Variants in STK33 observed in about 807,000 individuals in gnomAD.
The protein encoded by STK33 is serine/threonine kinase 33, also known as serine/threonine-protein kinase 33.
STK33 carries 52 observed loss-of-function variants against 58.0 expected under a neutral mutation model. That is an observed-to-expected ratio of 0.90 (90% CI 0.72 to 1.13). The LOEUF (loss-of-function observed/expected upper bound fraction) is 1.13, where lower values mean the gene tolerates loss of function less well. Among genes scored for constraint, STK33 ranks in the 50% most tolerant of loss-of-function variants. The pLI is 0.00. For missense variants in STK33, 630 were observed against 604.2 expected, an observed-to-expected ratio of 1.04 and a Z score of -0.45; for synonymous variants, 215 against 200.1, an observed-to-expected ratio of 1.07 and a Z score of -0.63.
chr11:8,473,440 C>T (rs1948979110), intron 5 of STK33, among the ~76,000 whole-genome samples, 164 bp from the exon 6 acceptor site: 1 of 152,150 alleles, frequency 6.6e-6, no homozygotes, highest in Non-Finnish European at 1.5e-5. Flanking sequence ...CTATGCAATT[C>T]ATTGGCTCAT....
intron 11 of STK33, among the ~76,000 whole-genome samples, chr11:8,445,774 C>T (rs1266645014): frequency 1.3e-5 from 2 of 152,060 alleles, no homozygotes; most frequent in Non-Finnish European, 2.9e-5. Flanking sequence ...CTGTTGGATT[C>T]AGTTTGCCAG....
chr11:8,553,877 C>T (rs369180346), intron 1 of STK33, among the ~76,000 whole-genome samples: 20 of 152,116 alleles, frequency 1.3e-4, no homozygotes, highest in East Asian at 7.7e-4. Flanking sequence ...AGGTTAAGCT[C>T]CATGACATTA....
the STK33 span, among the ~76,000 whole-genome samples, chr11:8,379,465 T>C: frequency 6.6e-6 from 1 of 151,836 alleles, no homozygotes; most frequent in Non-Finnish European, 1.5e-5. Flanking sequence ...ACAAATAATC[T>C]TATCAAAAAG....
intron 1 of STK33, among the ~76,000 whole-genome samples, chr11:8,493,331 A>C (rs1224344905): frequency 6.6e-6 from 1 of 152,216 alleles, no homozygotes; most frequent in Non-Finnish European, 1.5e-5. Context: ...CTATGCAAAT[A>C]AAATAGAAAA....
At position 8,412,567 on chromosome 11, in the gene STK33, C is replaced by T. The variant is rs147736715; in HGVS notation, c.1344+928G>A. The stretch of plus-strand genomic sequence containing the variant: ...GGGGTGTAGGCCAGCAATGCTGCAC[C>T]TCCCTGAATCTGGTCCAGGATTTAC... On this transcript the variant is annotated intron_variant, in intron 15 of 15. Transcript: ENST00000687296. Among the ~76,000 whole-genome samples, 433 of 152,252 alleles carry T rather than the reference C, an allele frequency of 2.8e-3. 2 individuals are homozygous for T. The highest frequency in any genetic ancestry group is 1.0e-2 in the African/African-American group (414 of 41,544).
intron 15 of STK33, among the ~76,000 whole-genome samples, chr11:8,395,922 A>C (rs1382644932): frequency 6.6e-6 from 1 of 152,222 alleles, no homozygotes; most frequent in African/African-American, 2.4e-5. Context: ...GTAGCATACA[A>C]GAGTGCCTGT....
chr11:8,400,304 G>C (rs1009806122), intron 15 of STK33, among the ~76,000 whole-genome samples: 26 of 152,186 alleles, frequency 1.7e-4, no homozygotes, highest in Non-Finnish European at 3.8e-4. Context: ...GGGATGCAAG[G>C]CTGGTTCAAC....
chr11:8,467,889 G>A (rs544891826), intron 6 of STK33, among the ~76,000 whole-genome samples: 15 of 151,922 alleles, frequency 9.9e-5, no homozygotes, highest in African/African-American at 2.2e-4. Flanking sequence ...AGGTTGCAGC[G>A]AGCTGAGATC....
intron 1 of STK33, among the ~76,000 whole-genome samples, chr11:8,520,604 C>T (rs1953324136): frequency 6.6e-6 from 1 of 152,172 alleles, no homozygotes; most frequent in Admixed American, 6.5e-5. Context: ...CCCATCGTCT[C>T]GGCCCAAAAT....
chr11:8,406,899 G>A (rs548305768), intron 15 of STK33, among the ~76,000 whole-genome samples: 11 of 151,758 alleles, frequency 7.2e-5, no homozygotes, highest in African/African-American at 2.2e-4. Context: ...AGAGAACATC[G>A]TTCCTTGCCT....
the STK33 span, among the ~76,000 whole-genome samples, chr11:8,345,775 A>G: frequency 6.6e-6 from 1 of 152,216 alleles, no homozygotes; most frequent in African/African-American, 2.4e-5. Context: ...ACCGAAGAGG[A>G]CAGGGGTGAG....
rs368217576 is a variant in STK33, at chr11:8,406,067, T to C, written c.1344+7428A>G. Among the ~76,000 whole-genome samples, 394 of 136,680 alleles carry C rather than the reference T, an allele frequency of 2.9e-3. 2 individuals are homozygous for C. Among genetic ancestry groups the C allele is most frequent in the African/African-American group, 0.01 (374 of 37,348 alleles). 89.7% of individuals were successfully genotyped at this position (136,680 alleles called of 152,430 possible). ...CTGAGGCAGGAGAATGGCGGGAACC[T>C]GGGAGGCGGAGCTTGCAGTGAGCCG... On this transcript the variant is annotated intron_variant, in intron 15 of 15. Transcript: ENST00000687296.
chr11:8,540,351 G>A (rs1189466172), intron 1 of STK33, among the ~76,000 whole-genome samples: 2 of 152,040 alleles, frequency 1.3e-5, no homozygotes, highest in South Asian at 2.1e-4. Flanking sequence ...CAGGTATGGC[G>A]GGGTGTACTT....
the STK33 span, among the ~76,000 whole-genome samples, chr11:8,385,833 G>A: frequency 2.0e-5 from 3 of 151,712 alleles, no homozygotes; most frequent in Non-Finnish European, 2.9e-5. Context: ...GGAGTGCAGC[G>A]GCGCTATCTC....
chr11:8,524,895 G>A (rs1164329104), intron 1 of STK33, among the ~76,000 whole-genome samples: 1 of 151,846 alleles, frequency 6.6e-6, no homozygotes, highest in East Asian at 1.9e-4. Context: ...AACTTTTTGA[G>A]GGGATAGATA....
intron 9 of STK33, 58 bp from the exon 10 acceptor site, chr11:8,454,890 C>A: frequency 1.4e-6 from 2 of 1,432,716 alleles, no homozygotes; most frequent in Non-Finnish European, 1.9e-6. Flanking sequence ...ATAGGAGAGA[C>A]ACATATAGAT....
At chr11:8,440,547 T>A in intron 12 of STK33, 131 bp downstream of exon 12, 1 of 677,250 alleles carries the variant, frequency 1.5e-6, no homozygotes, top group East Asian at 3.0e-5. Flanking sequence ...AGAGAGCTTT[T>A]AGAATGATCT....
Position 8,402,618 on chromosome 11 carries a change from T to A in STK33, c.1345-9908A>T, listed in dbSNP as rs1418365553. ...TACCCTAAAACTTAAATTATAATAATAAAAAAAAGAATCTGAGACTCCCCT... is the reference window on the plus strand; with the variant it reads ...TACCCTAAAACTTAAATTATAATAAAAAAAAAAAGAATCTGAGACTCCCCT... On this transcript the variant is annotated intron_variant, in intron 15 of 15. Transcript: ENST00000687296. 2.0e-5 allele frequency among the ~76,000 whole-genome samples: 3 copies of A among 151,816 alleles called. 1 individual carries two copies. The Middle Eastern group carries it at 0.01, about 520-fold the overall frequency.
chr11:8,488,319 A>G (rs1485330300), intron 1 of STK33, among the ~76,000 whole-genome samples: 1 of 152,218 alleles, frequency 6.6e-6, no homozygotes, highest in East Asian at 1.9e-4. Flanking sequence ...CTGGAAAATT[A>G]GATCTCTGTA....
Sources: gnomAD v4.1 joint callset for allele counts (sites outside exome capture counted in the v4.1 genomes callset) on GRCh38, gnomAD v4.1.1 for gene constraint, MANE v1.5 for transcripts, NCBI Gene and HGNC (gene_info 2026-07-23, HGNC 2026-07-21) for gene names.